Variants in ACSM2B observed in about 807,000 individuals in gnomAD.
ACSM2B encodes the protein acyl-coenzyme A synthetase ACSM2B, mitochondrial.
A neutral mutation model predicts 78.6 loss-of-function variants in ACSM2B; 58 were observed. The ratio of observed to expected loss-of-function variants is 0.74; its 90% CI spans 0.60 to 0.92. The LOEUF (loss-of-function observed/expected upper bound fraction) is 0.92. Ranked by LOEUF, ACSM2B falls within the 40% of genes least tolerant of loss-of-function variation. The pLI is 0.00. For missense variants in ACSM2B, 688 were observed against 711.2 expected (o/e 0.97, Z 0.37); for synonymous variants, 257 against 256.8 (o/e 1.00, Z -0.01).
intron 13 of ACSM2B, among the ~76,000 whole-genome samples, chr16:20,538,818 C>T (rs1481841136): frequency 6.6e-6 from 1 of 152,092 alleles, no homozygotes; most frequent in African/African-American, 2.4e-5. Context: ...AATGTTGAAC[C>T]CGACAGTCTG....
intron 13 of ACSM2B, among the ~76,000 whole-genome samples, chr16:20,538,519 G>A (rs1355691569): frequency 6.6e-6 from 1 of 152,166 alleles, no homozygotes; most frequent in African/African-American, 2.4e-5. Flanking sequence ...ATGCTAAGAA[G>A]GAAGCTACTC....
chr16:20,568,276 T>C (rs2152148012), intron 1 of ACSM2B, among the ~76,000 whole-genome samples: 1 of 144,776 alleles, frequency 6.9e-6, no homozygotes, highest in South Asian at 2.1e-4. Context: ...ACATATAGTA[T>C]ATATAGATAT....
In ACSM2B at chr16:20,540,684, T is replaced by C; in HGVS notation, c.1599A>G (p.Ser533=). ...LTKELQQHVK[S]VTAPYKYPRK... is the part of the protein sequence containing the mutation. The stretch of plus-strand genomic sequence containing the variant: ...TTGGGTACTTGTATGGGGCTGTCAC[T>C]GACTTCACATGCTGCTGCAGCTCCT... Residue 533 remains serine, a synonymous_variant, in exon 13 of 14, where the codon TCA becomes TCG. Coordinates refer to ENST00000329697, the MANE Select transcript of ACSM2B (RefSeq NM_001105069.2). 6.2e-7 allele frequency: 1 copy of C among 1,614,152 alleles called. No homozygotes were observed. Among genetic ancestry groups the C allele is most frequent in the Non-Finnish European group, 8.5e-7 (1 of 1,179,994 alleles).
intron 13 of ACSM2B, among the ~76,000 whole-genome samples, chr16:20,538,401 C>T (rs1366012431): frequency 1.3e-5 from 2 of 152,152 alleles, no homozygotes; most frequent in African/African-American, 4.8e-5. Flanking sequence ...ATTGCCTGGG[C>T]AAAGTTGAGT....
chr16:20,568,164 G>A (rs1417593256), intron 1 of ACSM2B, among the ~76,000 whole-genome samples: 1 of 142,706 alleles, frequency 7.0e-6, no homozygotes, highest in Admixed American at 7.3e-5. Context: ...GAAAGGCACA[G>A]GAGTGTGGCA....
intron 1 of ACSM2B, among the ~76,000 whole-genome samples, chr16:20,572,757 G>A (rs1463778330): frequency 6.6e-6 from 1 of 151,696 alleles, no homozygotes; most frequent in Non-Finnish European, 1.5e-5. Flanking sequence ...CTTCTTGGAG[G>A]CTTTGTTCAT....
chr16:20,556,743 C>T (rs1406908554), intron 3 of ACSM2B, among the ~76,000 whole-genome samples: 1 of 152,214 alleles, frequency 6.6e-6, no homozygotes, highest in Non-Finnish European at 1.5e-5. Flanking sequence ...GGGATTCTCA[C>T]TGCACACCTG....
chr16:20,537,438 G>C, intron 13 of ACSM2B, 76 bp from the exon 14 acceptor site: 1 of 1,526,498 alleles, frequency 6.6e-7, no homozygotes, highest in Non-Finnish European at 9.1e-7. Context: ...CTGCTGTAGG[G>C]TGAGGGGAAG....
intron 2 of ACSM2B, 78 bp from the exon 3 acceptor site, chr16:20,559,525 C>T: frequency 1.3e-6 from 2 of 1,531,280 alleles, no homozygotes; most frequent in Non-Finnish European, 1.8e-6. Context: ...CTTGGGATTG[C>T]CAAGCTGGTG....
rs1442137835 is a variant in ACSM2B, at chr16:20,542,932, T to C, written c.1491A>G (p.Pro497=). 4 of 1,613,774 alleles carry C rather than the reference T, an allele frequency of 2.5e-6. No individual in the cohort carries two copies. Among genetic ancestry groups the C allele is most frequent in the Admixed American group, 3.3e-5 (2 of 60,006 alleles). ...CCATCACCTCTCCTCGGACGGGGTC[T>C]GGGCTGCTGATCACAGCCGTCTCAA... ...AVVETAVISS[P]DPVRGEVVKA... Residue 497 remains proline (P), a synonymous_variant, in exon 12 of 14, where the codon CCA becomes CCG. Transcript: ENST00000329697.
rs373769973 is a variant in ACSM2B, at chr16:20,550,842, G to C, written c.894+1302C>G. On this transcript the variant is annotated intron_variant, in intron 6 of 13. Coordinates refer to ENST00000329697, the MANE Select transcript of ACSM2B (RefSeq NM_001105069.2). ...GATAAAGCATAGCTGCAGTTTGTGG[G>C]TCTTATTTAATGGCTGTACCATCAA... is the stretch of plus-strand genomic sequence containing the variant. Among the ~76,000 whole-genome samples, 33 of 152,154 alleles carry C rather than the reference G, an allele frequency of 2.2e-4. No homozygotes were observed. In the East Asian group the frequency reaches 2.7e-3, roughly 13 times the overall value.
intron 6 of ACSM2B, 125 bp downstream of exon 6, chr16:20,552,019 A>G (rs1452226976): frequency 8.8e-6 from 13 of 1,475,156 alleles, no homozygotes; most frequent in African/African-American, 1.4e-5. Flanking sequence ...CGTTTACTGA[A>G]CACTGTTCTC....
intron 10 of ACSM2B, among the ~76,000 whole-genome samples, chr16:20,543,955 G>A (rs2015068783): frequency 6.6e-6 from 1 of 152,182 alleles, no homozygotes; most frequent in Non-Finnish European, 1.5e-5. Flanking sequence ...TTAGTCTGAA[G>A]CTAAACAGCC....
chr16:20,551,439 T>C (rs1417282880), intron 6 of ACSM2B, among the ~76,000 whole-genome samples: 1 of 151,894 alleles, frequency 6.6e-6, no homozygotes, highest in Non-Finnish European at 1.5e-5. Flanking sequence ...AAGGAAGATA[T>C]ACCAGCACTG....
In ACSM2B at chr16:20,536,938, T is replaced by TCCTTCCCTTGCTTCCTCTCG. The variant is rs2014858452; in HGVS notation, c.*300_*319dup. ...TTTCATCTCCTCTTTCCTTTCTTCC[T>TCCTTCCCTTGCTTCCTCTCG]CCTTCCCTTGCTTCCTCTCGCCTTC... On this transcript the variant is annotated 3_prime_UTR_variant, in exon 14 of 14. Coordinates refer to ENST00000329697, the MANE Select transcript of ACSM2B (RefSeq NM_001105069.2). 4.7e-6 allele frequency: 1 copy of TCCTTCCCTTGCTTCCTCTCG among 214,104 alleles called. No individual in the cohort carries two copies. 13.3% of individuals were successfully genotyped at this position (214,104 alleles called of 1,614,324 possible).
intron 3 of ACSM2B, among the ~76,000 whole-genome samples, chr16:20,557,490 A>T (rs1268201165): frequency 1.3e-5 from 2 of 152,162 alleles, no homozygotes. Flanking sequence ...TTCACCTCTT[A>T]TCTGAGATTT....
chr16:20,560,332 A>T (rs1255856229), intron 2 of ACSM2B, among the ~76,000 whole-genome samples: 2 of 151,914 alleles, frequency 1.3e-5, no homozygotes, highest in East Asian at 3.8e-4. Flanking sequence ...AGGTGATTGG[A>T]TCATGGGGGT....
At chr16:20,545,751 G>T (rs2015120760) in intron 9 of ACSM2B, among the ~76,000 whole-genome samples, 1 of 152,214 alleles carries the variant, frequency 6.6e-6, no homozygotes, top group South Asian at 2.1e-4. Context: ...TTATCATAGT[G>T]AATGGCATGG....
At chr16:20,569,484 A>G (rs563682374) in intron 1 of ACSM2B, among the ~76,000 whole-genome samples, 11 of 151,998 alleles carry the variant, frequency 7.2e-5, no homozygotes, top group Non-Finnish European at 1.5e-4. Flanking sequence ...GCCTTATAGT[A>G]CATTTTGAAA....
Sources: gnomAD v4.1 joint callset for allele counts (sites outside exome capture counted in the v4.1 genomes callset) on GRCh38, gnomAD v4.1.1 for gene constraint, MANE v1.5 for transcripts, NCBI Gene and HGNC (gene_info 2026-07-23, HGNC 2026-07-21) for gene names.